WIPI2: variants seen among roughly 807,000 people sequenced by gnomAD.
WIPI2 encodes the protein WD repeat domain phosphoinositide-interacting protein 2.
A neutral mutation model predicts 52.3 loss-of-function variants in WIPI2; 28 were observed. That is an observed-to-expected ratio of 0.54 (90% CI 0.40 to 0.73). The LOEUF (loss-of-function observed/expected upper bound fraction) is 0.73. WIPI2 is among the 30% of genes least tolerant of loss of function. The pLI is 0.00. For missense variants in WIPI2, 506 were observed against 602.9 expected, an observed-to-expected ratio of 0.84 and a Z score of 1.68; for synonymous variants, 268 against 245.0, an observed-to-expected ratio of 1.09 and a Z score of -0.88.
intron 3 of WIPI2, among the ~76,000 whole-genome samples, chr7:5,208,343 A>G (rs888892568): frequency 1.3e-5 from 2 of 150,316 alleles, no homozygotes; most frequent in Admixed American, 6.6e-5. Context: ...TTTTGTGACT[A>G]TTTCTCCTAG....
chr7:5,215,994 A>C (rs1487652999), intron 4 of WIPI2, among the ~76,000 whole-genome samples: 1 of 152,200 alleles, frequency 6.6e-6, no homozygotes, highest in African/African-American at 2.4e-5. Flanking sequence ...TTCACAGCAC[A>C]CTTGTCTTAG....
At chr7:5,194,976 G>A (rs565690392) in intron 2 of WIPI2, among the ~76,000 whole-genome samples, 262 of 152,186 alleles carry the variant, frequency 1.7e-3, no homozygotes, top group Admixed American at 3.1e-3. Flanking sequence ...TTGTGGGGCC[G>A]TGAAATGAGG....
chr7:5,203,469 T>G (rs1782130726), intron 3 of WIPI2, among the ~76,000 whole-genome samples: 2 of 152,192 alleles, frequency 1.3e-5, no homozygotes, highest in African/African-American at 4.8e-5. Flanking sequence ...AGCAACATTC[T>G]TTTTTAAATC....
At chr7:5,213,300 G>A (rs1399376555) in intron 3 of WIPI2, 1 of 152,294 alleles carries the variant, frequency 6.6e-6, no homozygotes, top group Non-Finnish European at 1.5e-5. Flanking sequence ...TCTGGTAAAA[G>A]CAACTGAAAA....
intron 4 of WIPI2, 45 bp from the exon 5 acceptor site, chr7:5,216,518 A>G: frequency 1.3e-6 from 2 of 1,525,336 alleles, no homozygotes; most frequent in Non-Finnish European, 1.8e-6. Context: ...CAGGTATTGC[A>G]CTGGCCGTTG....
At chr7:5,224,520 A>G (rs1783324807) in intron 8 of WIPI2, among the ~76,000 whole-genome samples, 3 of 152,186 alleles carry the variant, frequency 2.0e-5, no homozygotes, top group Non-Finnish European at 2.9e-5. Flanking sequence ...CTGGAGTTTT[A>G]CTACTACTCA....
In WIPI2 at chr7:5,227,335, C is replaced by T; in HGVS notation, c.1004C>T (p.Ser335Leu). 2 of 1,613,284 alleles carry T rather than the reference C, an allele frequency of 1.2e-6. No individual in the cohort carries two copies. The highest frequency in any genetic ancestry group is 1.7e-6 in the Non-Finnish European group (2 of 1,180,024). The change falls in exon 10 of 13, where the codon TCG (serine) becomes TTG (leucine). Residue 335 changes from serine (S) to leucine (L), a missense_variant. By Grantham distance (145) the Ser-to-Leu change is moderately radical (BLOSUM62 -2). Coordinates refer to ENST00000288828, the MANE Select transcript of WIPI2 (RefSeq NM_015610.4). This position sits in a 1 kb window ranked among gnomAD's most constrained non-coding sequence, Gnocchi z 8.1. Reference sequence around the variant, plus strand: ...TTCTGCGGCCACAAAAACATCTGCTCGCTAGCCACGTGAGTAGAGCCGGCG... The same window carrying T: ...TTCTGCGGCCACAAAAACATCTGCTTGCTAGCCACGTGAGTAGAGCCGGCG... ...LPFCGHKNIC[S>L]LATIQKIPRL...
At chr7:5,222,508 A>G in intron 7 of WIPI2, 94 bp from the exon 8 acceptor site, 14 of 1,311,282 alleles carry the variant, frequency 1.1e-5, no homozygotes, top group Non-Finnish European at 1.5e-5. Context: ...TGTCCTGGAG[A>G]TAGCCGTGTG....
In WIPI2 at chr7:5,229,435, A is replaced by G. The variant is rs534632839; in HGVS notation, c.1122-173A>G. 5 of 648,948 alleles carry G rather than the reference A, an allele frequency of 7.7e-6. No homozygotes were observed. In the East Asian group the frequency reaches 1.5e-4, roughly 19 times the overall value. 40.2% of individuals were successfully genotyped at this position (648,948 alleles called of 1,614,324 possible). A position where few individuals can be genotyped will look rare whatever the true frequency, so the allele number is the denominator to read the frequency against. ...TTAGACTTTCCATGTAAAACTCTTCATGTAAAAACGTGTGCAGATAGACGA... is the reference window on the plus strand; with the variant it reads ...TTAGACTTTCCATGTAAAACTCTTCGTGTAAAAACGTGTGCAGATAGACGA... On this transcript the variant is annotated intron_variant, in intron 11 of 12. Transcript: ENST00000288828.
At chr7:5,200,789 C>G (rs901046970) in intron 3 of WIPI2, among the ~76,000 whole-genome samples, 5 of 152,186 alleles carry the variant, frequency 3.3e-5, no homozygotes, top group African/African-American at 1.2e-4. Flanking sequence ...CCCCTCACCT[C>G]CATCGGGGAT....
At chr7:5,215,527 C>A (rs962475486) in intron 4 of WIPI2, among the ~76,000 whole-genome samples, 1 of 152,204 alleles carries the variant, frequency 6.6e-6, no homozygotes, top group Non-Finnish European at 1.5e-5. Context: ...ACCCGGGAGA[C>A]CCCTGGCAAT....
Position 5,227,196 on chromosome 7 carries a change from AC to A in WIPI2, c.867del (p.Thr290ProfsTer21). ...TVKEKPPEEP[T>X]TWTGYFGKVL... The stretch of plus-strand genomic sequence containing the variant: ...TCCTTCCAGACCCCCAGAGGAGCCC[AC>A]CACCTGGACCGGGTACTTCGGGAAA... On this transcript the variant is annotated frameshift_variant, in exon 10 of 13. Coordinates refer to ENST00000288828, the MANE Select transcript of WIPI2 (RefSeq NM_015610.4). LOFTEE classifies it high-confidence loss of function. This position sits in a 1 kb window ranked among gnomAD's most constrained non-coding sequence, Gnocchi z 8.1. The A allele has an allele frequency of 1.2e-6, 2 of 1,613,958 alleles. No homozygotes were observed. Among genetic ancestry groups the A allele is most frequent in the Non-Finnish European group, 1.7e-6 (2 of 1,180,012 alleles).
chr7:5,223,109 G>A (rs1340599724), intron 8 of WIPI2, among the ~76,000 whole-genome samples: 1 of 152,210 alleles, frequency 6.6e-6, no homozygotes, highest in Non-Finnish European at 1.5e-5. Context: ...GCAGCCTGGA[G>A]TTCTCTTGTC....
At chr7:5,203,197 T>C (rs1042031608) in intron 3 of WIPI2, among the ~76,000 whole-genome samples, 4 of 152,224 alleles carry the variant, frequency 2.6e-5, no homozygotes, top group Non-Finnish European at 4.4e-5. Context: ...TTTCTGACGT[T>C]AGTCTTATTT....
At chr7:5,202,196 T>G (rs1782058460) in intron 3 of WIPI2, among the ~76,000 whole-genome samples, 1 of 152,196 alleles carries the variant, frequency 6.6e-6, no homozygotes, top group South Asian at 2.1e-4. Flanking sequence ...GAGCTGGTCT[T>G]AGAGAAAAAC....
At chr7:5,212,401 T>A (rs540306398) in intron 3 of WIPI2, among the ~76,000 whole-genome samples, 4 of 151,966 alleles carry the variant, frequency 2.6e-5, no homozygotes, top group Non-Finnish European at 5.9e-5. Flanking sequence ...GCCTGGAGAG[T>A]GAGAGGCTAG....
intron 2 of WIPI2, 60 bp downstream of exon 2, chr7:5,193,231 T>C (rs1781564703): frequency 1.3e-6 from 2 of 1,583,852 alleles, no homozygotes; most frequent in African/African-American, 2.7e-5. Flanking sequence ...TAGAGGACTT[T>C]TTTGGCTTTT....
chr7:5,229,784 C>T, intron 12 of WIPI2, 46 bp downstream of exon 12: 1 of 1,608,792 alleles, frequency 6.2e-7, no homozygotes, highest in Non-Finnish European at 8.5e-7. Flanking sequence ...CCCCACAGCC[C>T]CGAGTGCTAC....
At chr7:5,228,549 T>G (rs1232643038) in intron 11 of WIPI2, among the ~76,000 whole-genome samples, 10 of 152,186 alleles carry the variant, frequency 6.6e-5, no homozygotes, top group Admixed American at 6.5e-4. Flanking sequence ...GTTTCGCATT[T>G]GGAAAGGAAG....
Sources: gnomAD v4.1 joint callset for allele counts (sites outside exome capture counted in the v4.1 genomes callset) on GRCh38, gnomAD v4.1.1 for gene constraint, Gnocchi (gnomAD v3.1) non-coding constraint, MANE v1.5 for transcripts, NCBI Gene and HGNC (gene_info 2026-07-23, HGNC 2026-07-21) for gene names.